Variants in TENM2 observed in about 807,000 individuals in gnomAD.
TENM2 encodes the protein teneurin-2.
In TENM2, 52 loss-of-function variants were observed where a neutral mutation model predicts 245.2. The ratio of observed to expected loss-of-function variants is 0.21; its 90% CI spans 0.17 to 0.27. The LOEUF (loss-of-function observed/expected upper bound fraction) is 0.27. Ranked by LOEUF, TENM2 falls within the 10% of genes least tolerant of loss-of-function variation. TENM2 has a pLI of 1.00. For missense variants in TENM2, 3,046 were observed against 3,666.8 expected (o/e 0.83, Z 4.37); for synonymous variants, 1,363 against 1,438.9 (o/e 0.95, Z 1.19).
chr5:166,996,797 A>T, the TENM2 span, among the ~76,000 whole-genome samples: 1 of 152,154 alleles, frequency 6.6e-6, no homozygotes, highest in Non-Finnish European at 1.5e-5. Context: ...AATAGACTGA[A>T]TTTTTCCCTC....
At chr5:167,049,521 T>C in the TENM2 span, among the ~76,000 whole-genome samples, 1 of 152,252 alleles carries the variant, frequency 6.6e-6, no homozygotes, top group South Asian at 2.1e-4. Flanking sequence ...TGTGTATACA[T>C]CAAACTATAT....
At chr5:167,073,225 C>T in the TENM2 span, among the ~76,000 whole-genome samples, 1 of 151,992 alleles carries the variant, frequency 6.6e-6, no homozygotes, top group Non-Finnish European at 1.5e-5. Context: ...TACCTATTTT[C>T]TTTTTCATTT....
At chr5:167,410,061 T>C (rs1762830822) in intron 2 of TENM2, among the ~76,000 whole-genome samples, 1 of 152,056 alleles carries the variant, frequency 6.6e-6, no homozygotes, top group South Asian at 2.1e-4. Context: ...AATTTCTCTC[T>C]ACCATCAGAA....
At position 168,188,721 on chromosome 5, in the gene TENM2, T is replaced by C. The variant is rs557345161; in HGVS notation, c.2570-1616T>C. ...CATTAACAATGGTTTTTAAATCGTA[T>C]TGTGTGTTAGAATCACCTGAGAATC... is the stretch of plus-strand genomic sequence containing the variant. On this transcript the variant is annotated intron_variant, in intron 13 of 28. Transcript: ENST00000518659. Among the ~76,000 whole-genome samples, 33 of 152,362 alleles carry C rather than the reference T, an allele frequency of 2.2e-4. No homozygotes were observed. In the South Asian group the frequency reaches 6.4e-3, roughly 30 times the overall value.
At chr5:167,002,007 C>G in the TENM2 span, among the ~76,000 whole-genome samples, 1 of 151,980 alleles carries the variant, frequency 6.6e-6, no homozygotes, top group East Asian at 1.9e-4. Context: ...CAAATTGATT[C>G]TATTATTCAC....
In TENM2 at chr5:168,238,157, AAGAGAG is replaced by A. The variant is rs1164402441; in HGVS notation, c.5521-6240_5521-6235del. On this transcript the variant is annotated intron_variant, in intron 25 of 28. Transcript: ENST00000518659. ...GAGACTCCATCTCAAGAAAGAAAGAAAGAGAGAGAGAGAGAGAGAGAGAGAGAGGGA... is the reference window on the plus strand; with the variant it reads ...GAGACTCCATCTCAAGAAAGAAAGAAAGAGAGAGAGAGAGAGAGAGAGGGA... 5.4e-4 allele frequency among the ~76,000 whole-genome samples: 38 copies of A among 69,932 alleles called. 2 individuals are homozygous for A. The highest frequency in any genetic ancestry group is 2.1e-3 in the South Asian group (3 of 1,446). The allele number at this position is 69,932 out of a possible 152,430, so 45.9% of individuals were successfully genotyped here. A position where few individuals can be genotyped will look rare whatever the true frequency, so the allele number is the denominator to read the frequency against.
rs550499863 is a variant in TENM2 at position 167,703,167 on chromosome 5, A to G, written c.503-172819A>G. Among the ~76,000 whole-genome samples, 7 of 152,266 alleles carry G rather than the reference A, an allele frequency of 4.6e-5. No individual in the cohort carries two copies. The South Asian group carries it at 1.5e-3, about 32-fold the overall frequency. ...TGCCACAATTGCCTCGGCTACAACT[A>G]GTCCAGAAATTTCCAATCCATAGCC... On this transcript the variant is annotated intron_variant, in intron 2 of 28. Transcript: ENST00000518659.
chr5:167,837,067 TAC>T (rs3082486), intron 2 of TENM2, among the ~76,000 whole-genome samples: 22,075 of 149,310 alleles, frequency 0.15, 1,995 homozygotes, highest in African/African-American at 0.26. Context: ...TATGCCTAAG[TAC>T]ACACACACAC....
chr5:167,218,776 A>G, the TENM2 span, among the ~76,000 whole-genome samples: 219 of 152,348 alleles, frequency 1.4e-3, 2 homozygotes, highest in African/African-American at 5.1e-3. Context: ...GGTAATTAAG[A>G]TACACATAGG....
intron 3 of TENM2, among the ~76,000 whole-genome samples, chr5:167,912,966 G>A (rs1410231935): frequency 2.6e-5 from 4 of 152,100 alleles, no homozygotes; most frequent in African/African-American, 9.7e-5. Flanking sequence ...GACCAGCCAA[G>A]CAGCAAGAAA....
At chr5:167,735,631 C>A (rs370273381) in intron 2 of TENM2, among the ~76,000 whole-genome samples, 1 of 152,066 alleles carries the variant, frequency 6.6e-6, no homozygotes, top group Non-Finnish European at 1.5e-5. Context: ...CATGTCAAAA[C>A]CCCATCTCTA....
chr5:167,368,993 C>T (rs1760235388), intron 1 of TENM2, among the ~76,000 whole-genome samples: 1 of 152,052 alleles, frequency 6.6e-6, no homozygotes, highest in African/African-American at 2.4e-5. Context: ...CCACGGACAA[C>T]ACTTGGTCTT....
chr5:168,027,667 G>A (rs193152332), intron 5 of TENM2, among the ~76,000 whole-genome samples: 2 of 152,268 alleles, frequency 1.3e-5, no homozygotes, highest in Admixed American at 1.3e-4. Context: ...GAAAAGTCAA[G>A]TTGAACTGTC....
chr5:167,368,166 A>C (rs1760179406), intron 1 of TENM2, among the ~76,000 whole-genome samples: 1 of 152,242 alleles, frequency 6.6e-6, no homozygotes, highest in African/African-American at 2.4e-5. Context: ...GTATCTTGAA[A>C]AAAATAAACC....
intron 2 of TENM2, among the ~76,000 whole-genome samples, chr5:167,715,784 A>G (rs1001834834): frequency 6.6e-6 from 1 of 152,206 alleles, no homozygotes; most frequent in African/African-American, 2.4e-5. Flanking sequence ...TTCTCATTTT[A>G]TATAGAACAT....
chr5:167,517,866 G>A (rs1354723222), intron 2 of TENM2, among the ~76,000 whole-genome samples: 1 of 151,978 alleles, frequency 6.6e-6, no homozygotes, highest in Admixed American at 6.6e-5. Context: ...ATGGAGTCGA[G>A]AGAGAGTCAG....
chr5:167,409,078 G>A (rs986254500), intron 2 of TENM2, among the ~76,000 whole-genome samples: 1 of 151,488 alleles, frequency 6.6e-6, no homozygotes, highest in Middle Eastern at 3.2e-3. Flanking sequence ...GACTTTACTC[G>A]AAGTCACTTG....
chr5:167,584,895 T>C (rs1318577177), intron 2 of TENM2, among the ~76,000 whole-genome samples: 3 of 152,032 alleles, frequency 2.0e-5, no homozygotes, highest in African/African-American at 4.8e-5. Context: ...GGGCTACACC[T>C]AAGCTTTTAA....
rs34371347 is a variant in TENM2, at chr5:167,727,107, T to TC, written c.503-148879_503-148878insC. Among the ~76,000 whole-genome samples, 336 of 128,352 alleles carry TC rather than the reference T, an allele frequency of 2.6e-3. 2 individuals carry two copies. Among genetic ancestry groups the TC allele is most frequent in the African/African-American group, 1.0e-2 (319 of 31,988 alleles). 84.2% of individuals were successfully genotyped at this position (128,352 alleles called of 152,430 possible). On this transcript the variant is annotated intron_variant, in intron 2 of 28. Transcript: ENST00000518659. ...TCAGTAATGAATCCATTAATTTCTT[T>TC]TTTTTTTTTTTTTTTTTTTTGAGAT...
Sources: gnomAD v4.1 joint callset for allele counts (sites outside exome capture counted in the v4.1 genomes callset) on GRCh38, gnomAD v4.1.1 for gene constraint, MANE v1.5 for transcripts, NCBI Gene and HGNC (gene_info 2026-07-23, HGNC 2026-07-21) for gene names.